Variants in THSD4 observed in about 807,000 individuals in gnomAD.
The protein encoded by THSD4 is thrombospondin type-1 domain-containing protein 4.
In THSD4, 69 loss-of-function variants were observed where a neutral mutation model predicts 119.0. That is an observed-to-expected ratio of 0.58 (90% CI 0.48 to 0.71). The LOEUF is 0.71. THSD4 is among the 30% of genes least tolerant of loss of function. THSD4 has a pLI of 0.00. For synonymous variants in THSD4, 524 were observed against 540.4 expected (o/e 0.97, Z 0.42); for missense variants, 1,393 against 1,391.1 (o/e 1.00, Z -0.02).
intron 8 of THSD4, among the ~76,000 whole-genome samples, chr15:71,724,913 G>T (rs1308302611): frequency 3.2e-5 from 1 of 31,644 alleles, no homozygotes; most frequent in East Asian, 1.5e-3. Context: ...ACTGAGGCCG[G>T]GGTTGGGTTC....
At chr15:71,764,272 C>T (rs1448146557) in intron 15 of THSD4, among the ~76,000 whole-genome samples, 1 of 152,104 alleles carries the variant, frequency 6.6e-6, no homozygotes, top group Admixed American at 6.5e-5. Flanking sequence ...ATTGAGTAAA[C>T]CAAACATGAA....
chr15:71,527,280 G>A (rs895722765), intron 7 of THSD4, among the ~76,000 whole-genome samples: 1 of 152,042 alleles, frequency 6.6e-6, no homozygotes, highest in Non-Finnish European at 1.5e-5. Flanking sequence ...TAGATTACTC[G>A]TTCTCAAGTA....
chr15:71,211,626 T>C (rs1271260478), intron 3 of THSD4, among the ~76,000 whole-genome samples: 1 of 152,148 alleles, frequency 6.6e-6, no homozygotes, highest in Admixed American at 6.5e-5. Flanking sequence ...AATATATGAA[T>C]GGTGGGGAGG....
Position 71,737,749 on chromosome 15 carries a change from C to T in THSD4, c.1648C>T (p.Gln550Ter). 6.2e-7 allele frequency: 1 copy of T among 1,611,424 alleles called. No homozygotes were observed. Among genetic ancestry groups the T allele is most frequent in the East Asian group, 2.2e-5 (1 of 44,878 alleles). Residue 550 changes from glutamine (Q) to a stop codon, truncating the protein, a stop_gained, in exon 11 of 18, where the codon CAG becomes TAG. Transcript: ENST00000261862. LOFTEE classifies it high-confidence loss of function. ...TCTCCTAGGGGAACCCTTCAATGGC[C>T]AGATGGTGACAGAAGGCAGGAGCCA... Reference protein sequence around the residue: ...HRRPGEPFNGQMVTEGRSQEE... With the variant: ...HRRPGEPFNG
rs549361334 is a variant in THSD4 at position 71,372,692 on chromosome 15, G to C, written c.1016-38995G>C. Among the ~76,000 whole-genome samples the C allele has an allele frequency of 1.4e-4, 22 of 152,370 alleles. No homozygotes were observed. In the South Asian group the frequency reaches 4.6e-3, roughly 32 times the overall value. On this transcript the variant is annotated intron_variant, in intron 6 of 17. Coordinates refer to ENST00000261862, the MANE Select transcript of THSD4 (RefSeq NM_024817.3). ...TGTAAGGTCAGTGTGCCCCTACCGG[G>C]GGGTGCCTCCCAGTTAGGCTACTCG... is the stretch of plus-strand genomic sequence containing the variant.
chr15:71,200,321 T>C (rs1215233020), intron 3 of THSD4, among the ~76,000 whole-genome samples: 1 of 152,144 alleles, frequency 6.6e-6, no homozygotes, highest in Non-Finnish European at 1.5e-5. Flanking sequence ...CATCCTGAGC[T>C]GCTGTCCTGG....
Position 71,598,568 on chromosome 15 carries a change from T to C in THSD4, c.1153-61962T>C, listed in dbSNP as rs1000999723. Among the ~76,000 whole-genome samples, 3 of 152,192 alleles carry C rather than the reference T, an allele frequency of 2.0e-5. No individual in the cohort carries two copies. The South Asian group carries it at 6.2e-4, about 32-fold the overall frequency. ...TCTCTTTGTGCCCCACCCTGTGCTTTGGGCTGGAATCTTCCACAGTTCTTC... is the reference window on the plus strand; with the variant it reads ...TCTCTTTGTGCCCCACCCTGTGCTTCGGGCTGGAATCTTCCACAGTTCTTC... On this transcript the variant is annotated intron_variant, in intron 7 of 17. Transcript: ENST00000261862.
At chr15:71,447,424 C>T (rs1281500286) in intron 7 of THSD4, among the ~76,000 whole-genome samples, 1 of 152,198 alleles carries the variant, frequency 6.6e-6, no homozygotes, top group Non-Finnish European at 1.5e-5. Context: ...AGCCACCACG[C>T]CCAGCCCTTT....
intron 1 of THSD4, among the ~76,000 whole-genome samples, chr15:71,103,146 G>A (rs1267299767): frequency 2.8e-5 from 4 of 141,812 alleles, no homozygotes; most frequent in African/African-American, 1.1e-4. Context: ...TAAAAAGAAG[G>A]CTTTTTTTTT....
At position 71,676,377 on chromosome 15, in the gene THSD4, G is replaced by A. The variant is rs532287679; in HGVS notation, c.1357+15643G>A. 2.7e-4 allele frequency among the ~76,000 whole-genome samples: 41 copies of A among 152,196 alleles called. No homozygotes were observed. The South Asian group carries it at 8.5e-3, about 32-fold the overall frequency. On this transcript the variant is annotated intron_variant, in intron 8 of 17. Coordinates refer to ENST00000261862, the MANE Select transcript of THSD4 (RefSeq NM_024817.3). ...GCTCACTGCAACCTCTGCCTCCCGG[G>A]TTCAAGCGATTCTCCTGCCTCAGCC...
chr15:71,577,971 A>C (rs1187652634), intron 7 of THSD4, among the ~76,000 whole-genome samples: 1 of 150,986 alleles, frequency 6.6e-6, no homozygotes, highest in Non-Finnish European at 1.5e-5. Context: ...GATCCGATGG[A>C]GGGAGGCTGC....
At position 71,669,061 on chromosome 15, in the gene THSD4, A is replaced by C. The variant is rs551300231; in HGVS notation, c.1357+8327A>C. 2.0e-5 allele frequency among the ~76,000 whole-genome samples: 3 copies of C among 152,344 alleles called. No individual in the cohort carries two copies. The South Asian group carries it at 6.2e-4, about 32-fold the overall frequency. ...TGTAGGTCAAATGGAATGCACACTT[A>C]AAATTCTGGAAAATAAAGCAAAATT... On this transcript the variant is annotated intron_variant, in intron 8 of 17. Transcript: ENST00000261862.
At chr15:71,566,016 A>C (rs1244778529) in intron 7 of THSD4, among the ~76,000 whole-genome samples, 2 of 152,222 alleles carry the variant, frequency 1.3e-5, no homozygotes, top group Non-Finnish European at 2.9e-5. Context: ...CTCCAAGTGC[A>C]TCTGGCCCAA....
intron 8 of THSD4, among the ~76,000 whole-genome samples, chr15:71,703,447 A>G (rs117164257): frequency 6.6e-6 from 1 of 152,358 alleles, no homozygotes; most frequent in Non-Finnish European, 1.5e-5. Flanking sequence ...TCATTTGCTC[A>G]GCTGTCCATT....
At chr15:71,334,280 C>G (rs1395087435) in intron 6 of THSD4, among the ~76,000 whole-genome samples, 1 of 152,184 alleles carries the variant, frequency 6.6e-6, no homozygotes, top group African/African-American at 2.4e-5. Context: ...AATCTCTTCT[C>G]ACAAATGGGG....
chr15:71,485,218 G>T (rs972267467), intron 7 of THSD4, among the ~76,000 whole-genome samples: 1 of 152,028 alleles, frequency 6.6e-6, no homozygotes, highest in Non-Finnish European at 1.5e-5. Context: ...GCCATTATTC[G>T]TCTGACCTGG....
At chr15:71,411,501 T>A (rs1196424005) in intron 6 of THSD4, among the ~76,000 whole-genome samples, 186 bp from the exon 7 acceptor site, 1 of 152,148 alleles carries the variant, frequency 6.6e-6, no homozygotes, top group Admixed American at 6.5e-5. Flanking sequence ...ATGGTTGCGG[T>A]TGGACACACA....
chr15:71,480,825 C>T (rs980079183), intron 7 of THSD4, among the ~76,000 whole-genome samples: 4 of 152,166 alleles, frequency 2.6e-5, no homozygotes, highest in Admixed American at 1.3e-4. Flanking sequence ...TGAAGAGGAG[C>T]GCAGTGGATA....
At chr15:71,730,074 G>A (rs555562226) in intron 9 of THSD4, 1 of 152,304 alleles carries the variant, frequency 6.6e-6, no homozygotes, top group East Asian at 1.9e-4. Flanking sequence ...GCATAAACAG[G>A]AAGAATAGAC....
Sources: allele counts gnomAD v4.1 joint callset (sites outside exome capture counted in the v4.1 genomes callset), GRCh38; gene constraint gnomAD v4.1.1; transcripts MANE v1.5; gene names NCBI Gene and HGNC (gene_info 2026-07-23, HGNC 2026-07-21).